The following KDM2B variants were observed in gnomAD, a reference collection of about 807,000 sequenced individuals.
The protein encoded by KDM2B is lysine demethylase 2B, also known as lysine-specific demethylase 2B.
Under a neutral mutation model 150.0 loss-of-function variants are expected in KDM2B, and 26 were observed. That is an observed-to-expected ratio of 0.17 (90% CI 0.13 to 0.24). KDM2B has a LOEUF of 0.24. KDM2B is among the 10% of genes least tolerant of loss of function. KDM2B has a pLI of 1.00. For synonymous variants in KDM2B, 734 were observed against 729.5 expected (o/e 1.01, Z -0.10); for missense variants, 1,265 against 1,816.9 (o/e 0.70, Z 5.52).
chr12:121,449,424 C>A (rs1400496513), intron 13 of KDM2B, among the ~76,000 whole-genome samples: 1 of 152,066 alleles, frequency 6.6e-6, no homozygotes, highest in Non-Finnish European at 1.5e-5. Flanking sequence ...AAGGGTCAGG[C>A]CAAGCCTGCA....
chr12:121,507,648 GACATCT>G (rs1269689438), intron 11 of KDM2B, among the ~76,000 whole-genome samples: 1 of 152,184 alleles, frequency 6.6e-6, no homozygotes, highest in African/African-American at 2.4e-5. Flanking sequence ...TCCCTAGGAG[GACATCT>G]GTTCCCAGAA....
Position 121,520,897 on chromosome 12 carries a change from G to A in KDM2B, c.1047+88C>T. On this transcript the variant is annotated intron_variant, in intron 9 of 22. Transcript: ENST00000377071. This position sits in a 1 kb window ranked among gnomAD's most constrained non-coding sequence, Gnocchi z 4.5. ...CGGGAGGGAGAGGGGAACTGTGGAG[G>A]ACTTCAGTATGACCTGTCCCACACA... The A allele has an allele frequency of 3.2e-6, 3 of 938,716 alleles. No individual in the cohort carries two copies. Among genetic ancestry groups the A allele is most frequent in the East Asian group, 5.1e-5 (2 of 39,376 alleles). The allele number at this position is 938,716 out of a possible 1,614,324, so 58.1% of individuals were successfully genotyped here. A position where few individuals can be genotyped will look rare whatever the true frequency, so the allele number is the denominator to read the frequency against.
rs142028286 is a variant in KDM2B, at chr12:121,574,225, C to T, written c.397+322G>A. The stretch of plus-strand genomic sequence containing the variant: ...TTAAAGTCTATGAGGGATCATAAAG[C>T]ACCCAGTGTTTACCCGGCAACCCAC... On this transcript the variant is annotated intron_variant, in intron 4 of 22. Transcript: ENST00000377071. 5.7e-4 allele frequency: 143 copies of T among 253,036 alleles called. 1 individual carries two copies. In the Middle Eastern group the frequency reaches 5.9e-3, roughly 10 times the overall value. 15.7% of individuals were successfully genotyped at this position (253,036 alleles called of 1,614,324 possible).
the KDM2B span, among the ~76,000 whole-genome samples, chr12:121,413,421 T>G: frequency 1.4e-4 from 21 of 149,932 alleles, no homozygotes; most frequent in Admixed American, 7.3e-4. Context: ...TGTCCTTTTT[T>G]TTTTTTTTGA....
At chr12:121,427,329 G>A (rs1475265984), downstream of KDM2B, among the ~76,000 whole-genome samples, 2 of 152,170 alleles carry the variant, frequency 1.3e-5, no homozygotes, top group African/African-American at 2.4e-5. Context: ...CCTGAGGTCA[G>A]GAGTTCGAGA....
In KDM2B at chr12:121,537,901, C is replaced by T. The variant is rs1181699379; in HGVS notation, c.684-3311G>A. Among the ~76,000 whole-genome samples, 1 of 151,228 alleles carries T rather than the reference C, an allele frequency of 6.6e-6. No homozygotes were observed. Among genetic ancestry groups the T allele is most frequent in the African/African-American group, 2.4e-5 (1 of 41,286 alleles). ...AGGAGGGGGCGCCCGGGCAGCGCGGCCCGCGGTTACCCTCGGCGGCGGCGG... is the reference window on the plus strand; with the variant it reads ...AGGAGGGGGCGCCCGGGCAGCGCGGTCCGCGGTTACCCTCGGCGGCGGCGG... On this transcript the variant is annotated intron_variant, in intron 6 of 22. Coordinates refer to ENST00000377071, the MANE Select transcript of KDM2B (RefSeq NM_032590.5). This position sits in a 1 kb window ranked among gnomAD's most constrained non-coding sequence, Gnocchi z 8.7.
chr12:121,509,570 C>T lies in KDM2B; in HGVS notation c.1644G>A (p.Val548=), dbSNP rs1555303489. 1 of 1,612,650 alleles carries T rather than the reference C, an allele frequency of 6.2e-7. No homozygotes were observed. Among genetic ancestry groups the T allele is most frequent in the South Asian group, 1.1e-5 (1 of 91,010 alleles). ...CCCAGACGCCACTCCTGCCCACCTT[C>T]ACACCCTCCAGGAGTGCCTGGGGGT... The part of the protein sequence containing the change: ...IEDPQALLEG[V]KNVLKEHADD... The change falls in exon 11 of 23, where the codon GTG becomes GTA. Residue 548 remains valine, a synonymous_variant. Coordinates refer to ENST00000377071, the MANE Select transcript of KDM2B (RefSeq NM_032590.5).
chr12:121,409,652 A>G, the KDM2B span: 1 of 152,246 alleles, frequency 6.6e-6, no homozygotes, highest in Non-Finnish European at 1.5e-5. Flanking sequence ...GACCCCAGGA[A>G]TCAGTATTTT....
chr12:121,531,843 A>G (rs748962356), intron 8 of KDM2B, among the ~76,000 whole-genome samples: 20 of 152,162 alleles, frequency 1.3e-4, no homozygotes, highest in Non-Finnish European at 2.4e-4. Context: ...GTGTAATCCT[A>G]GCACTTTGGG....
At chr12:121,461,180 G>C (rs1021027292) in intron 12 of KDM2B, among the ~76,000 whole-genome samples, 2 of 152,170 alleles carry the variant, frequency 1.3e-5, no homozygotes, top group African/African-American at 4.8e-5. Flanking sequence ...CCAGGGGTGG[G>C]AGTGGGGTTA....
rs1886395494 is a variant in KDM2B, at chr12:121,518,218, A to G, written c.1047+2767T>C. ...TATAAAACAGTATTTTTAAATGGCC[A>G]TAACCTTCTTAAGAAAGCTCTCAGG... On this transcript the variant is annotated intron_variant, in intron 9 of 22. Coordinates refer to ENST00000377071, the MANE Select transcript of KDM2B (RefSeq NM_032590.5). The surrounding 1 kb of genome is among the most constrained non-coding windows in gnomAD (Gnocchi z 4.4). Among the ~76,000 whole-genome samples the G allele has an allele frequency of 6.6e-6, 1 of 152,194 alleles. No homozygotes were observed. Among genetic ancestry groups the G allele is most frequent in the Non-Finnish European group, 1.5e-5 (1 of 68,034 alleles).
chr12:121,539,620 C>T (rs1555309406), intron 6 of KDM2B, among the ~76,000 whole-genome samples: 2 of 151,806 alleles, frequency 1.3e-5, no homozygotes, highest in Non-Finnish European at 2.9e-5. Context: ...CTGGTGTCTT[C>T]GTGGGTCACA....
intron 12 of KDM2B, among the ~76,000 whole-genome samples, chr12:121,459,813 A>T (rs1555293496): frequency 6.6e-6 from 1 of 151,968 alleles, no homozygotes; most frequent in East Asian, 1.9e-4. Flanking sequence ...CTGGGCAACA[A>T]GAGTGAAACT....
the KDM2B span, chr12:121,417,596 A>G: frequency 1.2e-6 from 2 of 1,614,238 alleles, no homozygotes; most frequent in Non-Finnish European, 8.5e-7. This position sits in a 1 kb window ranked among gnomAD's most constrained non-coding sequence, Gnocchi z 5.0. Context: ...ACTTATTACA[A>G]GAGACAGCAT....
rs1398930451 is a variant in KDM2B at position 121,521,860 on chromosome 12, G to C, written c.932-760C>G. On this transcript the variant is annotated intron_variant, in intron 8 of 22. Coordinates refer to ENST00000377071, the MANE Select transcript of KDM2B (RefSeq NM_032590.5). The surrounding 1 kb of genome is among the most constrained non-coding windows in gnomAD (Gnocchi z 4.9). The stretch of plus-strand genomic sequence containing the variant: ...GTAGTGGTGCACCTCTGTGATCCCA[G>C]CACTTTGGGAGGCTGAGGCGGGAAG... Among the ~76,000 whole-genome samples the C allele has an allele frequency of 2.0e-5, 3 of 152,198 alleles. No homozygotes were observed. Among genetic ancestry groups the C allele is most frequent in the Admixed American group, 1.3e-4 (2 of 15,274 alleles).
chr12:121,444,508 T>C lies in KDM2B; in HGVS notation c.2132A>G (p.Asp711Gly). Residue 711 changes from aspartate to glycine, a missense_variant, in exon 15 of 23, where the codon GAC becomes GGC. Asp to Gly is a moderately conservative substitution (Grantham distance 94, BLOSUM62 -1). Coordinates refer to ENST00000377071, the MANE Select transcript of KDM2B (RefSeq NM_032590.5). Reference sequence around the variant, plus strand: ...ACACTCCCAGCAGTTTGGAAGCTCGTCGTTGACCACACCCTCTGACTCCTT... The same window carrying C: ...ACACTCCCAGCAGTTTGGAAGCTCGCCGTTGACCACACCCTCTGACTCCTT... ...KIKESEGVVN[D>G]ELPNCWECPK... 2 of 1,614,112 alleles carry C rather than the reference T, an allele frequency of 1.2e-6. No homozygotes were observed. Among genetic ancestry groups the C allele is most frequent in the Non-Finnish European group, 1.7e-6 (2 of 1,180,020 alleles).
In KDM2B at chr12:121,444,627, G is replaced by A. The variant is rs1297348038; in HGVS notation, c.2104-91C>T. 11 of 1,034,044 alleles carry A rather than the reference G, an allele frequency of 1.1e-5. 1 individual carries two copies. The highest frequency in any genetic ancestry group is 1.4e-5 in the Non-Finnish European group (9 of 662,092). 64.1% of individuals were successfully genotyped at this position (1,034,044 alleles called of 1,614,324 possible). A position where few individuals can be genotyped will look rare whatever the true frequency, so the allele number is the denominator to read the frequency against. Reference sequence around the variant, plus strand: ...TGTGACGCCACGTCTTCCAGAAGCAGCAGCACCCCCTCCCCAACGTCACAT... The same window carrying A: ...TGTGACGCCACGTCTTCCAGAAGCAACAGCACCCCCTCCCCAACGTCACAT... On this transcript the variant is annotated intron_variant, in intron 14 of 22. Coordinates refer to ENST00000377071, the MANE Select transcript of KDM2B (RefSeq NM_032590.5).
chr12:121,543,774 T>C (rs1490953658), intron 6 of KDM2B, among the ~76,000 whole-genome samples: 3 of 151,718 alleles, frequency 2.0e-5, no homozygotes, highest in Admixed American at 6.6e-5. Context: ...GTCGAGATCA[T>C]GCCACTGCAT....
chr12:121,479,065 TA>T (rs1881749765), intron 12 of KDM2B, among the ~76,000 whole-genome samples: 1 of 152,024 alleles, frequency 6.6e-6, no homozygotes, highest in African/African-American at 2.4e-5. Context: ...TCAATTTCTT[TA>T]ATCTTTAAAA....
Sources: gnomAD v4.1 joint callset for allele counts (sites outside exome capture counted in the v4.1 genomes callset) on GRCh38, gnomAD v4.1.1 for gene constraint, Gnocchi (gnomAD v3.1) non-coding constraint, MANE v1.5 for transcripts, NCBI Gene and HGNC (gene_info 2026-07-23, HGNC 2026-07-21) for gene names.